MECR: variants seen among roughly 807,000 people sequenced by gnomAD.
MECR encodes the protein mitochondrial trans-2-enoyl-CoA reductase, also known as enoyl-[acyl-carrier-protein] reductase, mitochondrial.
MECR carries 37 observed loss-of-function variants against 49.1 expected under a neutral mutation model. The ratio of observed to expected loss-of-function variants is 0.75; its 90% confidence interval spans 0.58 to 0.99. The LOEUF is 0.99. MECR is among the 50% of genes least tolerant of loss of function. The pLI is 0.00. For missense variants in MECR, 470 were observed against 479.6 expected, an observed-to-expected ratio of 0.98 and a Z score of 0.19; for synonymous variants, 198 against 191.1, an observed-to-expected ratio of 1.04 and a Z score of -0.30.
At chr1:29,181,836 G>A in the MECR span, 7 of 1,207,742 alleles carry the variant, frequency 5.8e-6, no homozygotes, top group South Asian at 2.1e-5. Context: ...CGGCAGCGGC[G>A]GCGGCGGCAA....
At chr1:29,178,578 G>A in the MECR span, among the ~76,000 whole-genome samples, 2 of 151,560 alleles carry the variant, frequency 1.3e-5, no homozygotes, top group African/African-American at 2.4e-5. Context: ...GGATGGTCTC[G>A]ATCTCCTGAC....
At chr1:29,185,351 C>T in the MECR span, among the ~76,000 whole-genome samples, 8 of 152,042 alleles carry the variant, frequency 5.3e-5, no homozygotes, top group African/African-American at 7.2e-5. Flanking sequence ...TGGGTTCACA[C>T]GGTTCTCCTG....
the MECR span, chr1:29,169,715 T>A: frequency 6.6e-6 from 1 of 152,306 alleles, no homozygotes; most frequent in Non-Finnish European, 1.5e-5. Flanking sequence ...AATGATGAAC[T>A]AACCAAACTC....
chr1:29,172,869 A>T, the MECR span: 1 of 152,222 alleles, frequency 6.6e-6, no homozygotes, highest in African/African-American at 2.4e-5. Flanking sequence ...AGACCAAAAA[A>T]AAGGTAGACA....
Position 29,193,912 on chromosome 1 carries a change from C to G in MECR, c.*110G>C. 7.6e-7 allele frequency: 1 copy of G among 1,309,272 alleles called. No homozygotes were observed. Among genetic ancestry groups the G allele is most frequent in the Non-Finnish European group, 1.1e-6 (1 of 943,232 alleles). The allele number at this position is 1,309,272 out of a possible 1,614,324, so 81.1% of individuals were successfully genotyped here. On this transcript the variant is annotated 3_prime_UTR_variant, in exon 10 of 10. Transcript: ENST00000263702. The stretch of plus-strand genomic sequence containing the variant: ...TCACCATCCTCCTAATAGGAAGAGG[C>G]AGTGAGGAGAACAGTAGTCTGGGGA...
chr1:29,207,669 A>G (rs1387694766), intron 3 of MECR, among the ~76,000 whole-genome samples: 3 of 152,094 alleles, frequency 2.0e-5, no homozygotes, highest in African/African-American at 7.2e-5. Context: ...GAGCCCAGTA[A>G]TTTAAGGACA....
At chr1:29,171,526 G>C in the MECR span, 4 of 150,980 alleles carry the variant, frequency 2.6e-5, no homozygotes, top group African/African-American at 9.8e-5. Context: ...TACAAACTAG[G>C]GACAACACTT....
intron 3 of MECR, among the ~76,000 whole-genome samples, chr1:29,213,319 G>A (rs1403835677): frequency 6.6e-6 from 1 of 152,214 alleles, no homozygotes; most frequent in Admixed American, 6.5e-5. Flanking sequence ...ACCGCCAGGT[G>A]GGTGTAGGAG....
chr1:29,201,575 T>C lies in MECR; in HGVS notation c.756+368A>G, dbSNP rs751499264. Reference sequence around the variant, plus strand: ...CTTTTGTGGAAATCATCAGATAAAATGTAAGGCAGGTGGTTGGGAAAGGTT... The same window carrying C: ...CTTTTGTGGAAATCATCAGATAAAACGTAAGGCAGGTGGTTGGGAAAGGTT... On this transcript the variant is annotated intron_variant, in intron 6 of 9. Coordinates refer to ENST00000263702, the MANE Select transcript of MECR (RefSeq NM_016011.5). This position sits in a 1 kb window ranked among gnomAD's most constrained non-coding sequence, Gnocchi z 4.3. The C allele has an allele frequency of 1.9e-5, 9 of 462,308 alleles. No homozygotes were observed. The highest frequency in any genetic ancestry group is 8.6e-5 in the South Asian group (5 of 58,178). 28.6% of individuals were successfully genotyped at this position (462,308 alleles called of 1,614,324 possible).
rs1683195269 is a variant in MECR, at chr1:29,230,673, G to A, written c.176+58C>T. The A allele has an allele frequency of 5.2e-6, 8 of 1,531,308 alleles. No individual in the cohort carries two copies. In the South Asian group the frequency reaches 9.6e-5, roughly 18 times the overall value. 94.9% of individuals were successfully genotyped at this position (1,531,308 alleles called of 1,614,324 possible). ...TCCCTCTCTTCCCAGTCCGCAGCTCGTGTTAAAGCCTTCCAGAAACCCCAG... is the reference window on the plus strand; with the variant it reads ...TCCCTCTCTTCCCAGTCCGCAGCTCATGTTAAAGCCTTCCAGAAACCCCAG... On this transcript the variant is annotated intron_variant, in intron 1 of 9. Coordinates refer to ENST00000263702, the MANE Select transcript of MECR (RefSeq NM_016011.5).
chr1:29,196,750 T>C (rs1355781715), intron 7 of MECR, among the ~76,000 whole-genome samples: 1 of 151,938 alleles, frequency 6.6e-6, no homozygotes, highest in African/African-American at 2.4e-5. Flanking sequence ...ACACCTGTAA[T>C]ACCAGCACTT....
At chr1:29,204,998 G>A (rs1676226373) in intron 4 of MECR, among the ~76,000 whole-genome samples, 1 of 152,226 alleles carries the variant, frequency 6.6e-6, no homozygotes, top group East Asian at 1.9e-4. Context: ...TTTCTTCGCT[G>A]GTATGAGAGG....
downstream of MECR, among the ~76,000 whole-genome samples, chr1:29,189,160 G>A (rs918320092): frequency 6.9e-6 from 1 of 144,326 alleles, no homozygotes; most frequent in Non-Finnish European, 1.5e-5. Flanking sequence ...GGGTGGTCTC[G>A]AACTGACCTC....
the MECR span, among the ~76,000 whole-genome samples, chr1:29,180,022 T>C: frequency 6.6e-6 from 1 of 152,354 alleles, no homozygotes; most frequent in East Asian, 1.9e-4. Context: ...AGCAAAGATG[T>C]TTCCTCATCC....
chr1:29,187,829 G>A (rs1230205882), downstream of MECR, among the ~76,000 whole-genome samples: 1 of 150,732 alleles, frequency 6.6e-6, no homozygotes, highest in African/African-American at 2.4e-5. Context: ...GAGGTCAGGA[G>A]ATCGAGACCA....
At chr1:29,205,822 C>T (rs1009385118) in intron 4 of MECR, among the ~76,000 whole-genome samples, 1 of 151,912 alleles carries the variant, frequency 6.6e-6, no homozygotes, top group Non-Finnish European at 1.5e-5. Flanking sequence ...ACGACTGTCT[C>T]AAAAAAACAG....
chr1:29,173,320 T>C, the MECR span: 7 of 151,562 alleles, frequency 4.6e-5, no homozygotes, highest in African/African-American at 1.4e-4. Context: ...TTTGTATTTT[T>C]TTTTTAGTAG....
intron 1 of MECR, among the ~76,000 whole-genome samples, chr1:29,218,003 C>T (rs937416085): frequency 2.0e-5 from 3 of 152,188 alleles, no homozygotes; most frequent in African/African-American, 7.2e-5. Flanking sequence ...TTCTTCTCTG[C>T]TCTAGGCTTC....
At chr1:29,223,909 G>A (rs1297819217) in intron 1 of MECR, 2 of 152,210 alleles carry the variant, frequency 1.3e-5, no homozygotes, top group Non-Finnish European at 2.9e-5. Context: ...CTTTGTTCCA[G>A]GTGGTTTGGT....
Sources: allele counts gnomAD v4.1 joint callset (sites outside exome capture counted in the v4.1 genomes callset), GRCh38; gene constraint gnomAD v4.1.1; non-coding constraint Gnocchi (gnomAD v3.1); transcripts MANE v1.5; gene names NCBI Gene and HGNC (gene_info 2026-07-23, HGNC 2026-07-21).